ADCY10: variants seen among roughly 807,000 people sequenced by gnomAD.
ADCY10 encodes the protein adenylate cyclase 10.
ADCY10 carries 156 observed loss-of-function variants against 183.3 expected under a neutral mutation model. That is an observed-to-expected ratio of 0.85 (90% CI 0.75 to 0.97). The LOEUF (loss-of-function observed/expected upper bound fraction) is 0.97. Ranked by LOEUF, ADCY10 falls within the 50% of genes least tolerant of loss-of-function variation. The pLI, the probability that ADCY10 is intolerant of heterozygous loss-of-function variation, is 0.00. For synonymous variants in ADCY10, 645 were observed against 670.0 expected (o/e 0.96, Z 0.58); for missense variants, 1,745 against 1,934.3 (o/e 0.90, Z 1.84).
Position 167,870,259 on chromosome 1 carries a change from G to T in ADCY10, c.1614C>A (p.His538Gln). 1.9e-6 allele frequency: 3 copies of T among 1,613,952 alleles called. No individual in the cohort carries two copies. The change falls in exon 14 of 33, where the codon CAC becomes CAA. Residue 538 changes from histidine (H) to glutamine (Q), a missense_variant and splice_region_variant. Physicochemically the swap from His to Gln is conservative, Grantham distance 24. Coordinates refer to ENST00000367851, the MANE Select transcript of ADCY10 (RefSeq NM_018417.6). ...KIEYLAQGKN[H>Q]RIIAISLNKI... Reference sequence around the variant, plus strand: ...AACAATCATTCCAAGACACTCACCTGTGATTCTTACCTTGGGCCAGGTACT... The same window carrying T: ...AACAATCATTCCAAGACACTCACCTTTGATTCTTACCTTGGGCCAGGTACT...
chr1:167,825,388 C>T (rs1400748183), intron 26 of ADCY10, among the ~76,000 whole-genome samples: 4 of 151,316 alleles, frequency 2.6e-5, no homozygotes, highest in Non-Finnish European at 5.9e-5. Flanking sequence ...CAGTGGCTCA[C>T]ATCTATAATC....
intron 7 of ADCY10, among the ~76,000 whole-genome samples, chr1:167,894,468 G>A (rs437846): frequency 0.22 from 33,201 of 152,028 alleles, 3,689 homozygotes; most frequent in Middle Eastern, 0.28. Context: ...CATGATCTCT[G>A]TGGTTCCCTT....
chr1:167,901,774 C>T lies in ADCY10; in HGVS notation c.324G>A (p.Glu108=), dbSNP rs145109141. The T allele has an allele frequency of 9.2e-5, 149 of 1,614,094 alleles. 1 individual carries two copies. The African/African-American group carries it at 1.6e-3, about 18-fold the overall frequency. The change falls in exon 5 of 33, where the codon GAG becomes GAA. Residue 108 remains glutamate (E), a synonymous_variant. Transcript: ENST00000367851. ...TGATAATGTTTTTCAGCTGCTTTCGCTCCACCCTCCACAGGGCTAGCAGTG... is the reference window on the plus strand; with the variant it reads ...TGATAATGTTTTTCAGCTGCTTTCGTTCCACCCTCCACAGGGCTAGCAGTG... ...GDALLALWRV[E]RKQLKNIITV...
At chr1:167,904,541 G>T in intron 2 of ADCY10, 1 of 343,212 alleles carries the variant, frequency 2.9e-6, no homozygotes, top group Non-Finnish European at 5.3e-6. Flanking sequence ...AGTGATAACT[G>T]CAACTTCTTT....
At chr1:167,857,694 C>T (rs1666006275) in intron 16 of ADCY10, among the ~76,000 whole-genome samples, 1 of 152,208 alleles carries the variant, frequency 6.6e-6, no homozygotes, top group South Asian at 2.1e-4. Flanking sequence ...AATTAACTCA[C>T]TTAATCCTCA....
In ADCY10 at chr1:167,809,874, G is replaced by A. The variant is rs758073305; in HGVS notation, c.4672-35C>T. 111 of 1,606,778 alleles carry A rather than the reference G, an allele frequency of 6.9e-5. 1 individual carries two copies. The highest frequency in any genetic ancestry group is 8.9e-5 in the Non-Finnish European group (105 of 1,173,644). On this transcript the variant is annotated intron_variant, in intron 32 of 32. Coordinates refer to ENST00000367851, the MANE Select transcript of ADCY10 (RefSeq NM_018417.6). ...AAGAAACAGAACAAAGAAATCATTA[G>A]TGCTTCTTGACTTTTGTAATCAAGG...
chr1:167,877,990 T>C (rs1667595612), intron 12 of ADCY10, among the ~76,000 whole-genome samples: 2 of 152,226 alleles, frequency 1.3e-5, no homozygotes, highest in South Asian at 4.1e-4. Context: ...GATTTTAAGC[T>C]TCAAAGTGAC....
chr1:167,840,438 C>T (rs928357713), intron 21 of ADCY10, among the ~76,000 whole-genome samples: 4 of 150,738 alleles, frequency 2.7e-5, no homozygotes, highest in Admixed American at 2.0e-4. Context: ...CTCACTGCAA[C>T]CTCTGCCTCC....
intron 14 of ADCY10, among the ~76,000 whole-genome samples, chr1:167,866,328 C>T (rs1666682281): frequency 1.3e-5 from 2 of 152,154 alleles, no homozygotes; most frequent in South Asian, 4.1e-4. Context: ...ACGAGGAATA[C>T]CAGATCAATT....
Position 167,845,587 on chromosome 1 carries a change from T to A in ADCY10, c.2983A>T (p.Met995Leu). 1 of 1,614,258 alleles carries A rather than the reference T, an allele frequency of 6.2e-7. No individual in the cohort carries two copies. Among genetic ancestry groups the A allele is most frequent in the Non-Finnish European group, 8.5e-7 (1 of 1,180,036 alleles). ...NALDMDAIKK[M>L]AMSHGFKTEE... Reference sequence around the variant, plus strand: ...CTTTTAAATCCATGAGACATAGCCATCTTTTTAATGGCATCCATGTCTAAA... The same window carrying A: ...CTTTTAAATCCATGAGACATAGCCAACTTTTTAATGGCATCCATGTCTAAA... Residue 995 changes from methionine (M) to leucine (L), a missense_variant, in exon 21 of 33, where the codon ATG becomes TTG. Coordinates refer to ENST00000367851, the MANE Select transcript of ADCY10 (RefSeq NM_018417.6).
intron 8 of ADCY10, among the ~76,000 whole-genome samples, chr1:167,885,002 T>A (rs1298760078): frequency 6.6e-6 from 1 of 152,142 alleles, no homozygotes; most frequent in Non-Finnish European, 1.5e-5. Flanking sequence ...AGCCCAATAG[T>A]TTTAATTTTT....
intron 14 of ADCY10, among the ~76,000 whole-genome samples, chr1:167,866,815 G>C (rs12033998): frequency 2.0e-5 from 3 of 149,032 alleles, no homozygotes; most frequent in Admixed American, 2.0e-4. Flanking sequence ...TTTTAACCCA[G>C]ACTGTAGGGC....
At chr1:167,822,186 G>T in intron 29 of ADCY10, 45 bp from the exon 30 acceptor site, 2 of 1,235,778 alleles carry the variant, frequency 1.6e-6, no homozygotes, top group Non-Finnish European at 2.4e-6. Flanking sequence ...AGGTGTGGGT[G>T]ATCATCTTTC....
rs201393794 is a variant in ADCY10 at position 167,809,865 on chromosome 1, A to C, written c.4672-26T>G. On this transcript the variant is annotated intron_variant, in intron 32 of 32. Coordinates refer to ENST00000367851, the MANE Select transcript of ADCY10 (RefSeq NM_018417.6). ...CTGAGAGGAAAGAAACAGAACAAAG[A>C]AATCATTAGTGCTTCTTGACTTTTG... The C allele has an allele frequency of 8.2e-4, 1,316 of 1,611,414 alleles. 12 individuals carry two copies. The South Asian group carries it at 8.4e-3, about 10-fold the overall frequency.
intron 31 of ADCY10, among the ~76,000 whole-genome samples, chr1:167,815,253 A>C (rs1473533150): frequency 6.6e-6 from 1 of 152,192 alleles, no homozygotes; most frequent in Non-Finnish European, 1.5e-5. Flanking sequence ...GAGGAAAAAA[A>C]ATCTCTCATT....
chr1:167,899,381 C>T (rs1320019538), intron 6 of ADCY10, 42 bp downstream of exon 6: 1 of 1,600,240 alleles, frequency 6.2e-7, no homozygotes, highest in Non-Finnish European at 8.6e-7. Flanking sequence ...GCCTCTGTTA[C>T]AGGCTGGCAG....
chr1:167,812,976 A>G (rs1475498713), intron 31 of ADCY10, among the ~76,000 whole-genome samples: 1 of 152,190 alleles, frequency 6.6e-6, no homozygotes, highest in Admixed American at 6.5e-5. Flanking sequence ...AAAAAGATTG[A>G]AGAAAAGTTA....
chr1:167,893,200 A>C (rs1668717307), intron 8 of ADCY10, among the ~76,000 whole-genome samples: 1 of 152,208 alleles, frequency 6.6e-6, no homozygotes, highest in Non-Finnish European at 1.5e-5. Context: ...TTGGAGAAAT[A>C]GTGTACCAAT....
intron 25 of ADCY10, among the ~76,000 whole-genome samples, chr1:167,831,984 C>A (rs1180293762): frequency 6.6e-6 from 1 of 152,126 alleles, no homozygotes; most frequent in Non-Finnish European, 1.5e-5. Context: ...GAGCCCACCT[C>A]CAACGTGCAC....
Sources: gnomAD v4.1 joint callset for allele counts (sites outside exome capture counted in the v4.1 genomes callset) on GRCh38, gnomAD v4.1.1 for gene constraint, MANE v1.5 for transcripts, NCBI Gene and HGNC (gene_info 2026-07-23, HGNC 2026-07-21) for gene names.